The following ITPR2 variants were observed in gnomAD, a reference collection of about 807,000 sequenced individuals.
ITPR2 encodes inositol 1,4,5-trisphosphate-gated calcium channel ITPR2.
In ITPR2, 207 loss-of-function variants were observed where a neutral mutation model predicts 317.1. The ratio of observed to expected loss-of-function variants is 0.65; its 90% CI spans 0.58 to 0.73. The LOEUF (loss-of-function observed/expected upper bound fraction) is 0.73. ITPR2 is among the 30% of genes least tolerant of loss of function. The probability of loss-of-function intolerance (pLI) is 0.00; values close to 1 mark genes in which losing one functional copy is unlikely to be tolerated. For missense variants in ITPR2, 2,613 were observed against 3,284.0 expected, an observed-to-expected ratio of 0.80 and a Z score of 4.99; for synonymous variants, 1,156 against 1,149.1, an observed-to-expected ratio of 1.01 and a Z score of -0.12.
At chr12:26,721,955 TAA>T (rs905639374) in intron 5 of ITPR2, among the ~76,000 whole-genome samples, 3 of 152,060 alleles carry the variant, frequency 2.0e-5, no homozygotes, top group African/African-American at 7.2e-5. Flanking sequence ...CCATCTCTAT[TAA>T]GACTTATAGA....
At chr12:26,728,145 A>G (rs1948964802) in intron 2 of ITPR2, among the ~76,000 whole-genome samples, 1 of 152,178 alleles carries the variant, frequency 6.6e-6, no homozygotes. Context: ...AGGGCATGTG[A>G]AAGATGGCAT....
chr12:26,653,330 C>T (rs149021549), intron 21 of ITPR2, among the ~76,000 whole-genome samples: 4 of 150,562 alleles, frequency 2.7e-5, no homozygotes, highest in Admixed American at 6.6e-5. Flanking sequence ...CTGCAACATC[C>T]GACTCCCTGG....
intron 2 of ITPR2, among the ~76,000 whole-genome samples, chr12:26,758,621 T>A (rs1949572318): frequency 6.6e-6 from 1 of 152,234 alleles, no homozygotes; most frequent in Non-Finnish European, 1.5e-5. Flanking sequence ...GATTAGGCAC[T>A]GGAATGAGAA....
chr12:26,482,460 C>T (rs1942563981), intron 42 of ITPR2, among the ~76,000 whole-genome samples: 1 of 152,188 alleles, frequency 6.6e-6, no homozygotes, highest in Non-Finnish European at 1.5e-5. Flanking sequence ...CTGGAAACAG[C>T]AGAAGAGACA....
chr12:26,350,935 C>A lies in ITPR2; in HGVS notation c.7858-10607G>T, dbSNP rs80239695. ...ATGGTGGGGTCCTGCCCATTCCCAG[C>A]CAACAGGGCACCGAGGGATAGAGCC... On this transcript the variant is annotated intron_variant, in intron 55 of 56. Transcript: ENST00000381340. Among the ~76,000 whole-genome samples, 1,415 of 152,298 alleles carry A rather than the reference C, an allele frequency of 9.3e-3. 29 individuals are homozygous for A. Among genetic ancestry groups the A allele is most frequent in the African/African-American group, 0.032 (1,315 of 41,552 alleles).
chr12:26,419,071 T>C lies in ITPR2; in HGVS notation c.7088A>G (p.His2363Arg), dbSNP rs1940811175. Residue 2363 changes from histidine to arginine, a missense_variant, in exon 50 of 57, where the codon CAT becomes CGT. Coordinates refer to ENST00000381340, the MANE Select transcript of ITPR2 (RefSeq NM_002223.4). ...CACCAGGAAGCTATAGAAGAATTCA[T>C]GGACAAAAAGGCCCAGCATGCAAAC... ...VLVCMLGLFV[H>R]EFFYSFLLFD... 2 of 1,613,504 alleles carry C rather than the reference T, an allele frequency of 1.2e-6. No homozygotes were observed. Among genetic ancestry groups the C allele is most frequent in the Non-Finnish European group, 8.5e-7 (1 of 1,179,696 alleles).
Position 26,600,102 on chromosome 12 carries a change from T to G in ITPR2, c.3686A>C (p.Glu1229Ala), listed in dbSNP as rs1367268265. 4 of 1,608,310 alleles carry G rather than the reference T, an allele frequency of 2.5e-6. No homozygotes were observed. Among genetic ancestry groups the G allele is most frequent in the Non-Finnish European group, 2.6e-6 (3 of 1,175,986 alleles). Residue 1229 changes from glutamate (E) to alanine (A), a missense_variant, in exon 29 of 57, where the codon GAA becomes GCA. Coordinates refer to ENST00000381340, the MANE Select transcript of ITPR2 (RefSeq NM_002223.4). Reference sequence around the variant, plus strand: ...TAGATTCATTACTTCATTCATCTTTTCATCATTCTGTAAGTTAAAGAATAG... The same window carrying G: ...TAGATTCATTACTTCATTCATCTTTGCATCATTCTGTAAGTTAAAGAATAG... ...LLQIPYEKND[E>A]KMNEVMNLAH...
At chr12:26,829,528 G>A (rs1439370191) in intron 1 of ITPR2, among the ~76,000 whole-genome samples, 1 of 152,158 alleles carries the variant, frequency 6.6e-6, no homozygotes, top group East Asian at 1.9e-4. Context: ...TTTTTGTACA[G>A]ACAGGGTCTC....
At chr12:26,696,157 C>T (rs764363105) in intron 9 of ITPR2, among the ~76,000 whole-genome samples, 3 of 152,130 alleles carry the variant, frequency 2.0e-5, no homozygotes, top group Non-Finnish European at 2.9e-5. Context: ...CACATGTCTT[C>T]GGGCTTGGAG....
chr12:26,421,114 A>T (rs539077831), intron 49 of ITPR2, among the ~76,000 whole-genome samples: 148 of 152,324 alleles, frequency 9.7e-4, no homozygotes, highest in African/African-American at 3.4e-3. Flanking sequence ...AGCTCCATAT[A>T]CTGAGGAAAA....
rs1370610078 is a variant in ITPR2, at chr12:26,722,608, A to G, written c.367-53T>C. On this transcript the variant is annotated intron_variant, in intron 4 of 56. Transcript: ENST00000381340. ...CTTTATTCTTTGTTCTCCTCTGTTAATTACATTCATATGTTTTATACATGT... is the reference window on the plus strand; with the variant it reads ...CTTTATTCTTTGTTCTCCTCTGTTAGTTACATTCATATGTTTTATACATGT... The G allele has an allele frequency of 3.0e-6, 4 of 1,326,646 alleles. No individual in the cohort carries two copies. In the East Asian group the frequency reaches 6.9e-5, roughly 23 times the overall value. The allele number at this position is 1,326,646 out of a possible 1,614,324, so 82.2% of individuals were successfully genotyped here.
chr12:26,639,991 T>C (rs1946949154), intron 21 of ITPR2, among the ~76,000 whole-genome samples: 1 of 152,150 alleles, frequency 6.6e-6, no homozygotes, highest in African/African-American at 2.4e-5. Context: ...TACCCAGTAA[T>C]GGGATTGCTG....
intron 37 of ITPR2, among the ~76,000 whole-genome samples, chr12:26,512,048 G>C (rs1421352152): frequency 6.6e-6 from 1 of 151,962 alleles, no homozygotes; most frequent in Non-Finnish European, 1.5e-5. Flanking sequence ...AACATCTTTT[G>C]CTCTTGCTTT....
At chr12:26,466,958 A>C (rs1308027131) in intron 45 of ITPR2, among the ~76,000 whole-genome samples, 1 of 152,206 alleles carries the variant, frequency 6.6e-6, no homozygotes, top group Non-Finnish European at 1.5e-5. Flanking sequence ...AAGATATTAG[A>C]GATGGAAGTT....
chr12:26,578,969 A>G (rs1326798504), intron 33 of ITPR2, 136 bp from the exon 34 acceptor site: 2 of 792,348 alleles, frequency 2.5e-6, no homozygotes, highest in Non-Finnish European at 1.9e-6. Flanking sequence ...TAGTTAATAA[A>G]TATCTCATTC....
At chr12:26,560,571 T>C (rs1944788723) in intron 35 of ITPR2, among the ~76,000 whole-genome samples, 1 of 152,216 alleles carries the variant, frequency 6.6e-6, no homozygotes, top group Non-Finnish European at 1.5e-5. Flanking sequence ...CCAGGTCTGC[T>C]GACCCTGCCT....
At chr12:26,771,908 A>T (rs1297817092) in intron 2 of ITPR2, among the ~76,000 whole-genome samples, 1 of 152,102 alleles carries the variant, frequency 6.6e-6, no homozygotes, top group Non-Finnish European at 1.5e-5. Context: ...TATACCTCAT[A>T]TTGCTGTAAA....
At chr12:26,517,705 G>T (rs1484517933) in intron 37 of ITPR2, among the ~76,000 whole-genome samples, 2 of 152,298 alleles carry the variant, frequency 1.3e-5, no homozygotes, top group East Asian at 3.9e-4. Flanking sequence ...AGACATGGTG[G>T]TGCCTGCCTG....
chr12:26,679,121 T>G (rs1947975286), intron 13 of ITPR2, among the ~76,000 whole-genome samples: 1 of 152,212 alleles, frequency 6.6e-6, no homozygotes. Flanking sequence ...GATATTTACT[T>G]GTCTATAGCC....
Sources: gnomAD v4.1 joint callset for allele counts (sites outside exome capture counted in the v4.1 genomes callset) on GRCh38, gnomAD v4.1.1 for gene constraint, MANE v1.5 for transcripts, NCBI Gene and HGNC (gene_info 2026-07-23, HGNC 2026-07-21) for gene names.